The following OCIAD1 variants were observed in gnomAD, a reference collection of about 807,000 sequenced individuals.
OCIAD1 encodes OCIA domain containing 1, also known as OCIA domain-containing protein 1.
Under a neutral mutation model 38.9 loss-of-function variants are expected in OCIAD1, and 29 were observed. That is an observed-to-expected ratio of 0.74 (90% CI 0.55 to 1.02). The LOEUF (loss-of-function observed/expected upper bound fraction) is 1.02, where lower values mean the gene tolerates loss of function less well. Among genes scored for constraint, OCIAD1 ranks in the 50% least tolerant of loss-of-function variants. The pLI, the probability that OCIAD1 is intolerant of heterozygous loss-of-function variation, is 0.00. For missense variants in OCIAD1, 288 were observed against 289.6 expected (o/e 0.99, Z 0.04); for synonymous variants, 110 against 92.0 (o/e 1.20, Z -1.12).
At position 48,831,258 on chromosome 4, in the gene OCIAD1, G is replaced by T; in HGVS notation, c.-6+9G>T. ...GCTGCTGTCGTCGGGAGGTGGGTGAGGTGACGCAAACAGCCCCGTTGTTGC... is the reference window on the plus strand; with the variant it reads ...GCTGCTGTCGTCGGGAGGTGGGTGATGTGACGCAAACAGCCCCGTTGTTGC... On this transcript the variant is annotated intron_variant, in intron 1 of 8. Coordinates refer to ENST00000264312, the MANE Select transcript of OCIAD1 (RefSeq NM_017830.4). The T allele has an allele frequency of 2.9e-6, 1 of 345,186 alleles. No homozygotes were observed. The highest frequency in any genetic ancestry group is 5.8e-6 in the Non-Finnish European group (1 of 172,602). 21.4% of individuals were successfully genotyped at this position (345,186 alleles called of 1,614,324 possible).
upstream of OCIAD1, among the ~76,000 whole-genome samples, chr4:48,826,226 A>C (rs1777249225): frequency 6.6e-6 from 1 of 151,996 alleles, no homozygotes. Flanking sequence ...ATATGCTTAC[A>C]TGTGCCATGT....
rs376971495 is a variant in OCIAD1, at chr4:48,851,898, C to T, written c.470C>T (p.Pro157Leu). ...SPAADNIEMLPHYEPIPFSSS... is the reference protein window; with the variant it reads ...SPAADNIEMLLHYEPIPFSSS... ...GCAGCAGACAACATAGAAATGCTTC[C>T]TCATTATGAGCCAATTCCATTCAGT... Residue 157 changes from proline (P) to leucine (L), a missense_variant, in exon 7 of 9, where the codon CCT (proline) becomes CTT (leucine). Physicochemically the swap from Pro to Leu is moderately conservative, Grantham distance 98. Coordinates refer to ENST00000264312, the MANE Select transcript of OCIAD1 (RefSeq NM_017830.4). 209 of 1,612,264 alleles carry T rather than the reference C, an allele frequency of 1.3e-4. No individual in the cohort carries two copies. Among genetic ancestry groups the T allele is most frequent in the Non-Finnish European group, 1.6e-4 (189 of 1,178,496 alleles).
chr4:48,848,815 ATCTC>A (rs1338955359), intron 5 of OCIAD1: 1 of 155,876 alleles, frequency 6.4e-6, no homozygotes, highest in East Asian at 1.8e-4. Context: ...TTTAAAAGAA[ATCTC>A]TCTAATTTGT....
At position 48,812,803 on chromosome 4, in the gene OCIAD1, G is replaced by A. The variant is rs984818684; in HGVS notation, c.-103+7473G>A. On this transcript the variant is annotated intron_variant, in intron 1 of 6. Coordinates refer to the OCIAD1 transcript ENST00000504654. The stretch of plus-strand genomic sequence containing the variant: ...AAATGAGAATGTGAGGTCAAGAAAA[G>A]CTTTGGGATTTTTCTTGCTGTTAAA... Among the ~76,000 whole-genome samples the A allele has an allele frequency of 1.1e-4, 17 of 152,186 alleles. No homozygotes were observed. The Middle Eastern group carries it at 9.5e-3, about 85-fold the overall frequency.
chr4:48,829,840 G>C (rs1777340167), upstream of OCIAD1, among the ~76,000 whole-genome samples: 1 of 152,178 alleles, frequency 6.6e-6, no homozygotes, highest in South Asian at 2.1e-4. Context: ...CTGTCCTAAA[G>C]GAGCTCTGTA....
chr4:48,848,143 A>T (rs1385798911), intron 4 of OCIAD1, among the ~76,000 whole-genome samples: 1 of 152,034 alleles, frequency 6.6e-6, no homozygotes, highest in African/African-American at 2.4e-5. Flanking sequence ...ATACACACAC[A>T]CATATATATT....
At chr4:48,817,171 C>G (rs558417886) in intron 1 of OCIAD1, among the ~76,000 whole-genome samples, 1 of 152,154 alleles carries the variant, frequency 6.6e-6, no homozygotes, top group South Asian at 2.1e-4. Context: ...TTGCTTCACC[C>G]GGGAAGTGTA....
chr4:48,834,289 A>G (rs1307003367), intron 3 of OCIAD1, among the ~76,000 whole-genome samples: 1 of 152,292 alleles, frequency 6.6e-6, no homozygotes, highest in East Asian at 1.9e-4. Flanking sequence ...CTCCTGCCTC[A>G]GCCTCCTGAG....
intron 1 of OCIAD1, among the ~76,000 whole-genome samples, chr4:48,812,887 C>G (rs1234818272): frequency 2.0e-5 from 3 of 152,052 alleles, no homozygotes; most frequent in East Asian, 1.9e-4. Flanking sequence ...GAAGAGAAAC[C>G]AAGGATGGGA....
intron 3 of OCIAD1, among the ~76,000 whole-genome samples, chr4:48,841,163 C>T (rs76746925): frequency 0.017 from 2,620 of 152,228 alleles, 73 homozygotes; most frequent in African/African-American, 0.059. Flanking sequence ...GATTGTCTTT[C>T]GGTGCTTTTG....
upstream of OCIAD1, among the ~76,000 whole-genome samples, chr4:48,828,349 C>A (rs1442258854): frequency 6.6e-6 from 1 of 152,186 alleles, no homozygotes; most frequent in Non-Finnish European, 1.5e-5. Context: ...GTACAATGGA[C>A]CAATCAACTC....
upstream of OCIAD1, among the ~76,000 whole-genome samples, chr4:48,826,423 G>T (rs1484521904): frequency 6.6e-6 from 1 of 152,042 alleles, no homozygotes; most frequent in Non-Finnish European, 1.5e-5. Context: ...CTGTCCTTGC[G>T]ATAGTTTGCT....
intron 4 of OCIAD1, among the ~76,000 whole-genome samples, chr4:48,848,170 C>T (rs111298879): frequency 1.1e-4 from 17 of 152,148 alleles, no homozygotes; most frequent in Admixed American, 3.9e-4. Flanking sequence ...ATTGACCTTA[C>T]ATCAAGTGAT....
At chr4:48,823,824 C>CTTTTTTTTTT (rs71660459) in intron 1 of OCIAD1, among the ~76,000 whole-genome samples, 14 of 70,126 alleles carry the variant, frequency 2.0e-4, no homozygotes, top group East Asian at 1.1e-3. Flanking sequence ...CAATGCCTGG[C>CTTTTTTTTTT]TTTTTTTTTT....
At chr4:48,812,469 C>A in intron 1 of OCIAD1, among the ~76,000 whole-genome samples, 1 of 149,986 alleles carries the variant, frequency 6.7e-6, no homozygotes, top group African/African-American at 2.5e-5. Context: ...CAAGAAAGAA[C>A]CAGCAAAGGA....
At chr4:48,846,475 A>G (rs1778988007) in intron 4 of OCIAD1, among the ~76,000 whole-genome samples, 1 of 152,164 alleles carries the variant, frequency 6.6e-6, no homozygotes, top group African/African-American at 2.4e-5. Context: ...TTGGCCGGGT[A>G]CGGTGGCTCA....
At position 48,855,972 on chromosome 4, in the gene OCIAD1, A is replaced by G. The variant is rs1166751562; in HGVS notation, c.548-1241A>G. On this transcript the variant is annotated intron_variant, in intron 7 of 8. Transcript: ENST00000264312. ...AAGTTAATATTAAAAGTATATGCCC[A>G]ATTTGTATGTCTTATTGAAAACATC... The G allele has an allele frequency of 2.6e-5, 4 of 152,260 alleles. No individual in the cohort carries two copies. In the South Asian group the frequency reaches 6.2e-4, roughly 24 times the overall value. 9.4% of individuals were successfully genotyped at this position (152,260 alleles called of 1,614,324 possible).
chr4:48,831,370 G>T, intron 1 of OCIAD1, 121 bp downstream of exon 1: 1 of 585,118 alleles, frequency 1.7e-6, no homozygotes, highest in African/African-American at 1.9e-5. Flanking sequence ...TGGACAGATC[G>T]CGCTCGGGTC....
At chr4:48,828,029 C>T (rs1261511977), upstream of OCIAD1, among the ~76,000 whole-genome samples, 1 of 152,056 alleles carries the variant, frequency 6.6e-6, no homozygotes, top group African/African-American at 2.4e-5. Flanking sequence ...CACCAATCAG[C>T]ACTCTTTGTC....
Sources: gnomAD v4.1 joint callset for allele counts (sites outside exome capture counted in the v4.1 genomes callset) on GRCh38, gnomAD v4.1.1 for gene constraint, MANE v1.5 for transcripts, NCBI Gene and HGNC (gene_info 2026-07-23, HGNC 2026-07-21) for gene names.